HIVEP3: variants seen among roughly 807,000 people sequenced by gnomAD.
The protein encoded by HIVEP3 is transcription factor HIVEP3.
In HIVEP3, 49 loss-of-function variants were observed where a neutral mutation model predicts 152.8. That is an observed-to-expected ratio of 0.32 (90% CI 0.26 to 0.41). HIVEP3 has a LOEUF of 0.41. HIVEP3 is among the 10% of genes least tolerant of loss of function. The pLI, the probability that HIVEP3 is intolerant of heterozygous loss-of-function variation, is 1.00. For synonymous variants in HIVEP3, 1,269 were observed against 1,289.0 expected (o/e 0.98, Z 0.33); for missense variants, 2,790 against 3,103.3 (o/e 0.90, Z 2.40).
chr1:42,019,179 A>G (rs1227042043), intron 1 of HIVEP3, among the ~76,000 whole-genome samples: 1 of 152,030 alleles, frequency 6.6e-6, no homozygotes, highest in Non-Finnish European at 1.5e-5. Flanking sequence ...GCCATAAGTT[A>G]TCTCAGCCTC....
chr1:41,818,467 T>C (rs139798717), intron 1 of HIVEP3, among the ~76,000 whole-genome samples: 3,306 of 152,204 alleles, frequency 0.022, 59 homozygotes, highest in Non-Finnish European at 0.035. Context: ...GGCGGGGGCA[T>C]TGATGAAGAA....
chr1:41,872,555 T>C (rs1309813009), intron 1 of HIVEP3, among the ~76,000 whole-genome samples: 1 of 152,164 alleles, frequency 6.6e-6, no homozygotes, highest in Non-Finnish European at 1.5e-5. Flanking sequence ...TGCTCTTATC[T>C]CCCTCTATCC....
intron 1 of HIVEP3, among the ~76,000 whole-genome samples, chr1:41,858,297 G>T (rs546044115): frequency 6.6e-6 from 1 of 152,152 alleles, no homozygotes; most frequent in Admixed American, 6.5e-5. Context: ...AAGCTTTTTG[G>T]TCATATGCCC....
At chr1:41,537,831 C>T (rs1259011715) in intron 5 of HIVEP3, among the ~76,000 whole-genome samples, 1 of 152,204 alleles carries the variant, frequency 6.6e-6, no homozygotes, top group Non-Finnish European at 1.5e-5. Context: ...AGGGACAGGC[C>T]ACTGTGCCAG....
intron 1 of HIVEP3, among the ~76,000 whole-genome samples, chr1:41,966,880 A>T (rs1645201787): frequency 1.3e-5 from 2 of 152,162 alleles, no homozygotes; most frequent in Admixed American, 1.3e-4. Context: ...GGAAAGCAGA[A>T]AAAAAGCAGG....
chr1:41,713,330 C>T (rs1187572143), intron 1 of HIVEP3, among the ~76,000 whole-genome samples: 1 of 152,226 alleles, frequency 6.6e-6, no homozygotes, highest in Non-Finnish European at 1.5e-5. Context: ...CAGTCTCTGG[C>T]TTCTGCAAGT....
chr1:41,759,899 C>T (rs185523190), intron 1 of HIVEP3, among the ~76,000 whole-genome samples: 104 of 152,314 alleles, frequency 6.8e-4, no homozygotes, highest in South Asian at 1.2e-3. Flanking sequence ...ATGGATAAAA[C>T]GAGAGGTGCC....
chr1:41,878,265 GA>G (rs1259736854), intron 1 of HIVEP3, among the ~76,000 whole-genome samples: 1 of 152,146 alleles, frequency 6.6e-6, no homozygotes, highest in Non-Finnish European at 1.5e-5. Context: ...AGCAATTTGC[GA>G]AACTTTGCTC....
chr1:41,906,692 C>T (rs764760458), intron 1 of HIVEP3, among the ~76,000 whole-genome samples: 4 of 152,150 alleles, frequency 2.6e-5, no homozygotes, highest in Admixed American at 6.5e-5. Context: ...GTAAATTATA[C>T]TCAATTTAGA....
At chr1:41,545,912 G>A (rs368815573) in intron 5 of HIVEP3, among the ~76,000 whole-genome samples, 2 of 152,210 alleles carry the variant, frequency 1.3e-5, no homozygotes, top group African/African-American at 4.8e-5. Flanking sequence ...GCCTTGCCAT[G>A]CAGAAAGCTG....
chr1:42,005,951 T>A (rs957192729), intron 1 of HIVEP3, among the ~76,000 whole-genome samples: 1 of 152,220 alleles, frequency 6.6e-6, no homozygotes, highest in African/African-American at 2.4e-5. Flanking sequence ...CAGTCTTTCA[T>A]AACTAGTTTC....
intron 1 of HIVEP3, among the ~76,000 whole-genome samples, chr1:41,714,823 AAAG>A (rs375819164): frequency 1.6e-4 from 25 of 152,340 alleles, no homozygotes; most frequent in African/African-American, 5.8e-4. Flanking sequence ...AATAATATAA[AAAG>A]AAGATGATAT....
chr1:41,997,611 G>C (rs1645403464), intron 1 of HIVEP3, among the ~76,000 whole-genome samples: 1 of 152,182 alleles, frequency 6.6e-6, no homozygotes, highest in African/African-American at 2.4e-5. Flanking sequence ...TTTTAGGAAT[G>C]CATCCTCTGC....
At chr1:41,608,030 T>C (rs1644846616) in intron 3 of HIVEP3, among the ~76,000 whole-genome samples, 1 of 152,182 alleles carries the variant, frequency 6.6e-6, no homozygotes, top group Admixed American at 6.5e-5. Context: ...TGAGGCAGTG[T>C]AGTGTTTAGC....
chr1:41,659,947 T>C (rs151105499), intron 2 of HIVEP3, among the ~76,000 whole-genome samples: 1 of 152,238 alleles, frequency 6.6e-6, no homozygotes, highest in East Asian at 1.9e-4. Flanking sequence ...CACAATGGGA[T>C]GAATGTGTGT....
At chr1:41,932,738 G>T (rs1204208000) in intron 1 of HIVEP3, among the ~76,000 whole-genome samples, 2 of 151,234 alleles carry the variant, frequency 1.3e-5, no homozygotes, top group Non-Finnish European at 3.0e-5. Context: ...TCTTTATCTA[G>T]TTTTTTTCTT....
intron 1 of HIVEP3, among the ~76,000 whole-genome samples, chr1:41,738,811 C>A (rs980438279): frequency 6.6e-6 from 1 of 152,052 alleles, no homozygotes; most frequent in Non-Finnish European, 1.5e-5. Context: ...ACCATAAATG[C>A]CCGCCTCCCT....
intron 2 of HIVEP3, among the ~76,000 whole-genome samples, chr1:41,671,555 A>C (rs1193657906): frequency 6.6e-6 from 1 of 152,204 alleles, no homozygotes; most frequent in African/African-American, 2.4e-5. Context: ...CCCATCTCAC[A>C]CTGACATCTA....
At chr1:41,689,480 G>C (rs1052073230) in intron 2 of HIVEP3, among the ~76,000 whole-genome samples, 2 of 152,214 alleles carry the variant, frequency 1.3e-5, no homozygotes, top group African/African-American at 2.4e-5. Flanking sequence ...CCTCCAGCAA[G>C]TTGTCATAGT....
Sources: gnomAD v4.1 joint callset for allele counts (sites outside exome capture counted in the v4.1 genomes callset) on GRCh38, gnomAD v4.1.1 for gene constraint, MANE v1.5 for transcripts, NCBI Gene and HGNC (gene_info 2026-07-23, HGNC 2026-07-21) for gene names.